Variants in KCNB2 observed in about 807,000 individuals in gnomAD.
KCNB2 encodes the protein delayed rectifier potassium channel protein.
In KCNB2, 15 loss-of-function variants were observed where a neutral mutation model predicts 61.5. The observed-to-expected ratio is 0.24, with a 90% CI of 0.16 to 0.38. KCNB2 has a LOEUF of 0.38. KCNB2 is among the 10% of genes least tolerant of loss of function. The probability of loss-of-function intolerance (pLI) is 1.00; values close to 1 mark genes in which losing one functional copy is unlikely to be tolerated. For missense variants in KCNB2, 828 were observed against 1,125.2 expected, an observed-to-expected ratio of 0.74 and a Z score of 3.78; for synonymous variants, 457 against 446.0, an observed-to-expected ratio of 1.02 and a Z score of -0.31.
intron 2 of KCNB2, among the ~76,000 whole-genome samples, chr8:72,913,388 C>T (rs556825144): frequency 1.3e-4 from 20 of 152,290 alleles, no homozygotes; most frequent in African/African-American, 4.8e-4. Context: ...CAGGAGATTA[C>T]ATTTTTAAAA....
intron 2 of KCNB2, among the ~76,000 whole-genome samples, chr8:72,824,095 C>G (rs1242178049): frequency 1.3e-5 from 2 of 152,270 alleles, no homozygotes; most frequent in Non-Finnish European, 1.5e-5. Context: ...TCAGAGGGAG[C>G]TATTTCATGT....
intron 1 of KCNB2, among the ~76,000 whole-genome samples, chr8:72,549,547 T>C (rs946072016): frequency 2.0e-5 from 3 of 152,190 alleles, no homozygotes; most frequent in African/African-American, 7.2e-5. Flanking sequence ...GTAGGGGCTG[T>C]GAAATGTAAT....
intron 1 of KCNB2, among the ~76,000 whole-genome samples, chr8:72,552,475 A>C (rs1806359935): frequency 6.6e-6 from 1 of 152,212 alleles, no homozygotes; most frequent in Non-Finnish European, 1.5e-5. Flanking sequence ...TGAAATAGCC[A>C]CATGTGACTA....
chr8:72,711,131 CT>C (rs1372976238), intron 2 of KCNB2, among the ~76,000 whole-genome samples: 2 of 152,190 alleles, frequency 1.3e-5, no homozygotes, highest in African/African-American at 4.8e-5. Context: ...GTTGCTGATT[CT>C]CATGGCAGAG....
At position 72,554,331 on chromosome 8, in the gene KCNB2, A is replaced by T. The variant is rs186928498; in HGVS notation, c.-93-13311A>T. Among the ~76,000 whole-genome samples the T allele has an allele frequency of 8.8e-4, 134 of 152,202 alleles. 1 individual carries two copies. The highest frequency in any genetic ancestry group is 1.7e-3 in the Non-Finnish European group (115 of 67,946). ...AGAATGAGAGGAATAATGGATCTAA[A>T]TCCGTATTTCTTATTTATATTTTAT... On this transcript the variant is annotated intron_variant, in intron 1 of 2. Coordinates refer to ENST00000523207, the MANE Select transcript of KCNB2 (RefSeq NM_004770.3).
At chr8:72,713,402 G>T (rs1179120059) in intron 2 of KCNB2, among the ~76,000 whole-genome samples, 1 of 152,178 alleles carries the variant, frequency 6.6e-6, no homozygotes, top group Non-Finnish European at 1.5e-5. Flanking sequence ...TAACTGGGAG[G>T]CACCCCCCAC....
chr8:72,560,668 G>GA (rs1421185645), intron 1 of KCNB2, among the ~76,000 whole-genome samples: 1 of 152,182 alleles, frequency 6.6e-6, no homozygotes, highest in Non-Finnish European at 1.5e-5. Context: ...CTGAATAGCT[G>GA]AATGTAGATA....
chr8:72,885,386 G>A (rs1585952020), intron 2 of KCNB2, among the ~76,000 whole-genome samples: 1 of 151,988 alleles, frequency 6.6e-6, no homozygotes, highest in African/African-American at 2.4e-5. Context: ...ATTACTTATT[G>A]CTTGAAGATT....
intron 2 of KCNB2, among the ~76,000 whole-genome samples, chr8:72,859,815 G>GATCAAGCGA (rs1810270322): frequency 7.0e-6 from 1 of 142,432 alleles, no homozygotes; most frequent in Non-Finnish European, 1.5e-5. Flanking sequence ...CGCCCCCTGG[G>GATCAAGCGA]TTCAAGCGAT....
At chr8:72,801,188 T>C (rs929690559) in intron 2 of KCNB2, among the ~76,000 whole-genome samples, 8 of 152,234 alleles carry the variant, frequency 5.3e-5, no homozygotes, top group Admixed American at 2.6e-4. Flanking sequence ...AAATATGCCA[T>C]TACTTGGTTT....
At chr8:72,654,725 A>T (rs1806263552) in intron 2 of KCNB2, among the ~76,000 whole-genome samples, 1 of 152,210 alleles carries the variant, frequency 6.6e-6, no homozygotes, top group Admixed American at 6.6e-5. Flanking sequence ...TTAAAAAGCA[A>T]CTAGTGAACC....
intron 2 of KCNB2, among the ~76,000 whole-genome samples, chr8:72,771,039 T>A (rs944010795): frequency 6.6e-6 from 1 of 152,188 alleles, no homozygotes; most frequent in Non-Finnish European, 1.5e-5. Context: ...AGAAAAAAGC[T>A]CCCAGCTATT....
At chr8:72,927,488 C>T (rs1211920586) in intron 2 of KCNB2, among the ~76,000 whole-genome samples, 2 of 152,158 alleles carry the variant, frequency 1.3e-5, no homozygotes, top group Admixed American at 6.5e-5. Context: ...TCAGGCTGGT[C>T]TTGAACTCCT....
chr8:72,699,357 T>C (rs975930620), intron 2 of KCNB2, among the ~76,000 whole-genome samples: 7 of 152,196 alleles, frequency 4.6e-5, no homozygotes, highest in African/African-American at 1.7e-4. Context: ...ATGATGAGCT[T>C]TTTTTCATAT....
rs376552017 is a variant in KCNB2, at chr8:72,936,548, G to C, written c.1193G>C (p.Gly398Ala). 6.2e-7 allele frequency: 1 copy of C among 1,614,104 alleles called. No individual in the cohort carries two copies. Among genetic ancestry groups the C allele is most frequent in the African/African-American group, 1.3e-5 (1 of 74,932 alleles). Residue 398 changes from glycine (G) to alanine (A), a missense_variant, in exon 3 of 3, where the codon GGA (glycine) becomes GCA (alanine). By Grantham distance (60) the Gly-to-Ala change is moderately conservative. This residue lies in a region of KCNB2 where 44 missense variants were observed against 167.6 expected (regional missense o/e 0.26). Transcript: ENST00000523207. This position sits in a 1 kb window ranked among gnomAD's most constrained non-coding sequence, Gnocchi z 5.6. ...AAAACATTACTAGGGAAAATTGTGG[G>C]AGGTCTGTGCTGTATTGCTGGGGTT... is the stretch of plus-strand genomic sequence containing the variant. ...YPKTLLGKIV[G>A]GLCCIAGVLV...
At position 72,757,435 on chromosome 8, in the gene KCNB2, G is replaced by C. The variant is rs190749037; in HGVS notation, c.580-178500G>C. ...TGCTCAGTGGTACCTGGAGGAAAAG[G>C]CAGAATTCAGGGAGGAATTTTCTTT... On this transcript the variant is annotated intron_variant, in intron 2 of 2. Transcript: ENST00000523207. Among the ~76,000 whole-genome samples, 122 of 152,294 alleles carry C rather than the reference G, an allele frequency of 8.0e-4. 1 individual carries two copies. Among genetic ancestry groups the C allele is most frequent in the African/African-American group, 2.7e-3 (112 of 41,562 alleles).
chr8:72,677,807 A>G (rs1254149100), intron 2 of KCNB2, among the ~76,000 whole-genome samples: 5 of 152,208 alleles, frequency 3.3e-5, no homozygotes, highest in Admixed American at 6.5e-5. Context: ...ATAAACAAAT[A>G]GTGGAGTGCT....
At chr8:72,684,665 T>C (rs529388304) in intron 2 of KCNB2, among the ~76,000 whole-genome samples, 1 of 152,286 alleles carries the variant, frequency 6.6e-6, no homozygotes, top group African/African-American at 2.4e-5. Context: ...CCTGGTACCA[T>C]GGGGAACTCT....
At position 72,619,034 on chromosome 8, in the gene KCNB2, G is replaced by A. The variant is rs532658619; in HGVS notation, c.579+50721G>A. ...CATCCCTGTTCTGAAGATGACCGTCGACTTTGACCCTTTCCAAAGACAAAT... is the reference window on the plus strand; with the variant it reads ...CATCCCTGTTCTGAAGATGACCGTCAACTTTGACCCTTTCCAAAGACAAAT... On this transcript the variant is annotated intron_variant, in intron 2 of 2. Coordinates refer to ENST00000523207, the MANE Select transcript of KCNB2 (RefSeq NM_004770.3). The A allele has an allele frequency of 5.4e-4, 162 of 302,538 alleles. 1 individual carries two copies. The highest frequency in any genetic ancestry group is 3.2e-3 in the African/African-American group (145 of 44,750). 18.7% of individuals were successfully genotyped at this position (302,538 alleles called of 1,614,324 possible). A position where few individuals can be genotyped will look rare whatever the true frequency, so the allele number is the denominator to read the frequency against.
Sources: gnomAD v4.1 joint callset for allele counts (sites outside exome capture counted in the v4.1 genomes callset) on GRCh38, gnomAD v4.1.1 for gene constraint, gnomAD v4.1.1 regional missense constraint, Gnocchi (gnomAD v3.1) non-coding constraint, MANE v1.5 for transcripts, NCBI Gene and HGNC (gene_info 2026-07-23, HGNC 2026-07-21) for gene names.